RNF19A: variants seen among roughly 807,000 people sequenced by gnomAD.
The protein encoded by RNF19A is E3 ubiquitin-protein ligase RNF19A.
RNF19A carries 32 observed loss-of-function variants against 75.7 expected under a neutral mutation model. That is an observed-to-expected ratio of 0.42 (90% CI 0.32 to 0.57). The LOEUF (loss-of-function observed/expected upper bound fraction) is 0.57. Among genes scored for constraint, RNF19A ranks in the 20% least tolerant of loss-of-function variants. The pLI is 0.10. For missense variants in RNF19A, 782 were observed against 1,036.3 expected (o/e 0.75, Z 3.37); for synonymous variants, 335 against 345.2 (o/e 0.97, Z 0.33).
intron 2 of RNF19A, among the ~76,000 whole-genome samples, chr8:100,280,962 T>C (rs184337167): frequency 2.7e-4 from 41 of 152,344 alleles, no homozygotes; most frequent in Admixed American, 2.6e-3. Flanking sequence ...GGAGTCTCTC[T>C]GCTCTGGTAT....
chr8:100,307,171 G>A (rs1414714365), intron 1 of RNF19A, among the ~76,000 whole-genome samples: 3 of 152,136 alleles, frequency 2.0e-5, no homozygotes, highest in African/African-American at 7.2e-5. Context: ...AAACCAGCCT[G>A]CATTTGACAG....
At chr8:100,292,581 T>C (rs1009463658) in intron 1 of RNF19A, among the ~76,000 whole-genome samples, 2 of 152,124 alleles carry the variant, frequency 1.3e-5, no homozygotes, top group Non-Finnish European at 1.5e-5. Flanking sequence ...ACACCAGCCT[T>C]AGAAAGCCTT....
At position 100,315,126 on chromosome 8, in the gene RNF19A, G is replaced by A. The variant is rs919659925; in HGVS notation, c.-242-1754C>T. 1.2e-4 allele frequency among the ~76,000 whole-genome samples: 19 copies of A among 152,080 alleles called. 1 individual carries two copies. Among genetic ancestry groups the A allele is most frequent in the African/African-American group, 4.3e-4 (18 of 41,402 alleles). On this transcript the variant is annotated intron_variant, in intron 1 of 3. Transcript: ENST00000519527. ...GGCAACATGACAAAACCCATCTCTA[G>A]GAGTTTTGTCGTGTGCCCAGGCATG...
intron 1 of RNF19A, among the ~76,000 whole-genome samples, chr8:100,326,868 TC>T (rs1822540360): frequency 6.6e-6 from 1 of 152,268 alleles, no homozygotes. Flanking sequence ...AGTTTCTAAC[TC>T]AGAATTGGCA....
chr8:100,283,301 C>T (rs2129861378), intron 2 of RNF19A, among the ~76,000 whole-genome samples: 1 of 152,166 alleles, frequency 6.6e-6, no homozygotes, highest in Non-Finnish European at 1.5e-5. Flanking sequence ...ACTAGGACTC[C>T]AAGGCAGAGG....
chr8:100,300,848 A>G (rs1367580077), intron 1 of RNF19A, among the ~76,000 whole-genome samples: 1 of 152,188 alleles, frequency 6.6e-6, no homozygotes, highest in Non-Finnish European at 1.5e-5. Context: ...TAAGTAAGTC[A>G]AGAAGATACA....
intron 3 of RNF19A, 55 bp downstream of exon 3, chr8:100,274,898 A>C (rs1262800603): frequency 9.9e-6 from 14 of 1,411,378 alleles, no homozygotes; most frequent in East Asian, 7.0e-5. Flanking sequence ...TAAAAAGTTA[A>C]AATAACTAGT....
At chr8:100,283,347 C>A (rs1353549152) in intron 2 of RNF19A, among the ~76,000 whole-genome samples, 1 of 152,132 alleles carries the variant, frequency 6.6e-6, no homozygotes, top group Non-Finnish European at 1.5e-5. Context: ...AGCTTCTATG[C>A]TTCTCCTCCT....
In RNF19A at chr8:100,287,035, A is replaced by G. The variant is rs994726320; in HGVS notation, c.674+466T>C. 3.9e-5 allele frequency among the ~76,000 whole-genome samples: 6 copies of G among 152,232 alleles called. No individual in the cohort carries two copies. Among genetic ancestry groups the G allele is most frequent in the Non-Finnish European group, 8.8e-5 (6 of 68,034 alleles). The stretch of plus-strand genomic sequence containing the variant: ...ATGTATATCAACATGAACACATCAT[A>G]CTGTGGCACATGCTAAGGTAGGTAC... On this transcript the variant is annotated intron_variant, in intron 2 of 9. Transcript: ENST00000341084. This position sits in a 1 kb window ranked among gnomAD's most constrained non-coding sequence, Gnocchi z 4.1.
Position 100,269,260 on chromosome 8 carries a change from T to C in RNF19A, c.1029-313A>G, listed in dbSNP as rs1004084382. ...CCCTCATACCCTTAAGTCAGTTTAA[T>C]AGTAAATTAATGCAAAACATGCATA... On this transcript the variant is annotated intron_variant, in intron 4 of 9. Coordinates refer to ENST00000341084, the MANE Select transcript of RNF19A (RefSeq NM_183419.4). This position sits in a 1 kb window ranked among gnomAD's most constrained non-coding sequence, Gnocchi z 5.7. Among the ~76,000 whole-genome samples, 1 of 151,944 alleles carries C rather than the reference T, an allele frequency of 6.6e-6. No individual in the cohort carries two copies. Among genetic ancestry groups the C allele is most frequent in the African/African-American group, 2.4e-5 (1 of 41,420 alleles).
chr8:100,309,572 G>A, intron 1 of RNF19A: 19 of 978,498 alleles, frequency 1.9e-5, no homozygotes, highest in Non-Finnish European at 2.2e-5. Flanking sequence ...CAGGAGGACA[G>A]GGCTTGGGGC....
In RNF19A at chr8:100,274,998, T is replaced by C. The variant is rs1186102991; in HGVS notation, c.838A>G (p.Ile280Val). 1 of 1,614,188 alleles carries C rather than the reference T, an allele frequency of 6.2e-7. No homozygotes were observed. Among genetic ancestry groups the C allele is most frequent in the Non-Finnish European group, 8.5e-7 (1 of 1,180,014 alleles). ...CTATAACTAATGGATGAAGAACGTA[T>C]AGTTCTCAAACGTAAGCTCTGGGCT... The part of the protein sequence containing the change: ...ERAQSLRLRT[I>V]RSSSISYSQE... The change falls in exon 3 of 10, where the codon ATA (isoleucine) becomes GTA (valine). Residue 280 changes from isoleucine to valine, a missense_variant. Physicochemically the swap from Ile to Val is conservative, Grantham distance 29. Coordinates refer to ENST00000341084, the MANE Select transcript of RNF19A (RefSeq NM_183419.4).
intron 1 of RNF19A, among the ~76,000 whole-genome samples, chr8:100,318,667 A>G (rs1206167938): frequency 6.6e-6 from 1 of 152,252 alleles, no homozygotes; most frequent in Admixed American, 6.5e-5. Context: ...TCCAAACAAA[A>G]GCAAACAAAC....
chr8:100,288,524 T>C (rs1272876163), intron 1 of RNF19A, among the ~76,000 whole-genome samples: 1 of 152,228 alleles, frequency 6.6e-6, no homozygotes, highest in Non-Finnish European at 1.5e-5. Flanking sequence ...ATTATCACTC[T>C]GACTTCAATG....
In RNF19A at chr8:100,309,933, G is replaced by A. The variant is rs907030937; in HGVS notation, c.-160C>T. 2 of 985,972 alleles carry A rather than the reference G, an allele frequency of 2.0e-6. No homozygotes were observed. The highest frequency in any genetic ancestry group is 2.4e-6 in the Non-Finnish European group (2 of 830,374). 61.1% of individuals were successfully genotyped at this position (985,972 alleles called of 1,614,324 possible). On this transcript the variant is annotated 5_prime_UTR_variant, in exon 1 of 10. Transcript: ENST00000341084. The stretch of plus-strand genomic sequence containing the variant: ...AGTAGGCCCATCTCCCAGCAGCGGC[G>A]ACAGCAGCCTGAGGAAGCGCGGGGG...
chr8:100,319,319 A>C (rs2130340779), intron 1 of RNF19A, among the ~76,000 whole-genome samples: 1 of 151,992 alleles, frequency 6.6e-6, no homozygotes, highest in East Asian at 1.9e-4. Flanking sequence ...TTTCTTTTTT[A>C]ACACAAAAGC....
At chr8:100,312,687 G>T (rs1414943119), upstream of RNF19A, among the ~76,000 whole-genome samples, 2 of 152,170 alleles carry the variant, frequency 1.3e-5, no homozygotes, top group Non-Finnish European at 2.9e-5. Flanking sequence ...ACTTTGGGAG[G>T]CTTAGGTGAG....
Position 100,287,351 on chromosome 8 carries a change from C to G in RNF19A, c.674+150G>C. The G allele has an allele frequency of 6.1e-6, 4 of 657,202 alleles. No individual in the cohort carries two copies. Among genetic ancestry groups the G allele is most frequent in the Non-Finnish European group, 1.0e-5 (4 of 388,890 alleles). The allele number at this position is 657,202 out of a possible 1,614,324, so 40.7% of individuals were successfully genotyped here. ...AAGATAGGATCACTGCCTTTAACAC[C>G]TAGCATAGTGCCTGACATATGGTGT... is the stretch of plus-strand genomic sequence containing the variant. On this transcript the variant is annotated intron_variant, in intron 2 of 9. Transcript: ENST00000341084. This position sits in a 1 kb window ranked among gnomAD's most constrained non-coding sequence, Gnocchi z 4.1.
In RNF19A at chr8:100,258,736, C is replaced by T. The variant is rs771935162; in HGVS notation, c.2337G>A (p.Val779=). The T allele has an allele frequency of 1.2e-6, 2 of 1,614,134 alleles. No homozygotes were observed. The highest frequency in any genetic ancestry group is 1.7e-6 in the Non-Finnish European group (2 of 1,180,018). ...ENSPHQCSIS[V]VTQTASCSEV... is the part of the protein sequence containing the mutation. ...CTGAACAGGAAGCAGTTTGGGTAAC[C>T]ACAGAAATGCTACACTGATGTGGGG... is the stretch of plus-strand genomic sequence containing the variant. Residue 779 remains valine, a synonymous_variant, in exon 10 of 10, where the codon GTG becomes GTA. Coordinates refer to ENST00000341084, the MANE Select transcript of RNF19A (RefSeq NM_183419.4). This position sits in a 1 kb window ranked among gnomAD's most constrained non-coding sequence, Gnocchi z 4.3.
Sources: gnomAD v4.1 joint callset for allele counts (sites outside exome capture counted in the v4.1 genomes callset) on GRCh38, gnomAD v4.1.1 for gene constraint, Gnocchi (gnomAD v3.1) non-coding constraint, MANE v1.5 for transcripts, NCBI Gene and HGNC (gene_info 2026-07-23, HGNC 2026-07-21) for gene names.